GPSM2: variants seen among roughly 807,000 people sequenced by gnomAD.
The protein encoded by GPSM2 is G protein-signaling modulator 2.
GPSM2 carries 58 observed loss-of-function variants against 78.4 expected under a neutral mutation model. That is an observed-to-expected ratio of 0.74 (90% CI 0.60 to 0.92). The LOEUF (loss-of-function observed/expected upper bound fraction) is 0.92. GPSM2 is among the 40% of genes least tolerant of loss of function. The pLI, the probability that GPSM2 is intolerant of heterozygous loss-of-function variation, is 0.00. For synonymous variants in GPSM2, 224 were observed against 280.2 expected, an observed-to-expected ratio of 0.80 and a Z score of 2.00; for missense variants, 700 against 815.5, an observed-to-expected ratio of 0.86 and a Z score of 1.73.
At chr1:108,904,826 T>C (rs1434866419) in intron 10 of GPSM2, among the ~76,000 whole-genome samples, 1 of 152,104 alleles carries the variant, frequency 6.6e-6, no homozygotes, top group Non-Finnish European at 1.5e-5. Flanking sequence ...GACATTTCTA[T>C]AGCGAGGAAA....
intron 14 of GPSM2, chr1:108,926,348 A>ATT (rs1324976425): frequency 1.1e-4 from 17 of 152,226 alleles, no homozygotes; most frequent in African/African-American, 4.1e-4. Context: ...TGGACTTAAG[A>ATT]ATCTAGGCTG....
At chr1:108,926,161 C>G (rs977405797) in intron 14 of GPSM2, 1 of 152,128 alleles carries the variant, frequency 6.6e-6, no homozygotes, top group African/African-American at 2.4e-5. Context: ...GTGCTAAGAA[C>G]CCACCTGAGG....
chr1:108,882,283 G>A (rs1570868706), intron 1 of GPSM2, among the ~76,000 whole-genome samples: 1 of 152,166 alleles, frequency 6.6e-6, no homozygotes. Flanking sequence ...ATCAGTATCT[G>A]TGGGGAATTG....
chr1:108,911,798 AATTT>A (rs1362963141), intron 10 of GPSM2, among the ~76,000 whole-genome samples: 1 of 81,796 alleles, frequency 1.2e-5, no homozygotes, highest in African/African-American at 6.0e-5. Flanking sequence ...GTGGGAAGAC[AATTT>A]TTTTTTTTTT....
chr1:108,885,732 C>T (rs537721173), intron 2 of GPSM2, among the ~76,000 whole-genome samples, 154 bp downstream of exon 2: 63 of 152,146 alleles, frequency 4.1e-4, no homozygotes, highest in South Asian at 4.0e-3. Flanking sequence ...GTAAGTTTTC[C>T]TTTCTGTAAG....
intron 10 of GPSM2, among the ~76,000 whole-genome samples, chr1:108,907,678 C>G (rs1351303166): frequency 6.6e-6 from 1 of 152,094 alleles, no homozygotes; most frequent in Non-Finnish European, 1.5e-5. Flanking sequence ...TTATGATATG[C>G]CAGGCACTGA....
Position 108,929,773 on chromosome 1 carries a change from G to A in GPSM2, c.1888G>A (p.Asp630Asn). 1 of 1,613,834 alleles carries A rather than the reference G, an allele frequency of 6.2e-7. No individual in the cohort carries two copies. Among genetic ancestry groups the A allele is most frequent in the South Asian group, 1.1e-5 (1 of 91,078 alleles). ...TTKGPTVPDE[D>N]FFSLILRSQG... ...AAAGGGTCCGACAGTACCAGATGAA[G>A]ACTTTTTCAGCCTTATTTTACGGTC... The change falls in exon 15 of 15, where the codon GAC becomes AAC. Residue 630 changes from aspartate (D) to asparagine (N), a missense_variant. Asp to Asn is a conservative substitution (Grantham distance 23). Coordinates refer to ENST00000264126, the MANE Select transcript of GPSM2 (RefSeq NM_013296.5).
chr1:108,934,325 G>T lies in GPSM2; in HGVS notation c.*4385G>T, dbSNP rs1652519045. On this transcript the variant is annotated 3_prime_UTR_variant, in exon 15 of 15. Coordinates refer to ENST00000264126, the MANE Select transcript of GPSM2 (RefSeq NM_013296.5). ...TAAATTGGTTAGTGGGTTCCCGTAA[G>T]TGCCTGTAACAATAAAATTTCTTTT... The T allele has an allele frequency of 4.3e-6, 1 of 231,138 alleles. No homozygotes were observed. The highest frequency in any genetic ancestry group is 2.3e-5 in the African/African-American group (1 of 44,434). The allele number at this position is 231,138 out of a possible 1,614,324, so 14.3% of individuals were successfully genotyped here.
chr1:108,921,166 C>T (rs1650681083), intron 12 of GPSM2, among the ~76,000 whole-genome samples: 1 of 152,054 alleles, frequency 6.6e-6, no homozygotes. Flanking sequence ...ATATCTGCTA[C>T]CCCAGCACAT....
At chr1:108,891,752 C>T (rs1011936184) in intron 2 of GPSM2, among the ~76,000 whole-genome samples, 2 of 151,504 alleles carry the variant, frequency 1.3e-5, no homozygotes, top group Non-Finnish European at 2.9e-5. Flanking sequence ...CGATCCACCC[C>T]CCCTTAGCCT....
chr1:108,908,605 G>C (rs568449109), intron 10 of GPSM2, among the ~76,000 whole-genome samples: 1 of 152,042 alleles, frequency 6.6e-6, no homozygotes, highest in Non-Finnish European at 1.5e-5. Context: ...AACCTGGGGG[G>C]CGGAGCTTGC....
In GPSM2 at chr1:108,934,264, G is replaced by C. The variant is rs1382271750; in HGVS notation, c.*4324G>C. The C allele has an allele frequency of 5.8e-6, 1 of 173,794 alleles. No homozygotes were observed. The highest frequency in any genetic ancestry group is 1.2e-5 in the Non-Finnish European group (1 of 80,826). The allele number at this position is 173,794 out of a possible 1,614,324, so 10.8% of individuals were successfully genotyped here. ...CATGAAGATGCTGGAGGCATCAAGT[G>C]GGTGGCCTTAACTCTAGTGGATTCA... On this transcript the variant is annotated 3_prime_UTR_variant, in exon 15 of 15. Coordinates refer to ENST00000264126, the MANE Select transcript of GPSM2 (RefSeq NM_013296.5).
intron 14 of GPSM2, among the ~76,000 whole-genome samples, chr1:108,929,169 A>G (rs888767913): frequency 6.6e-6 from 1 of 152,150 alleles, no homozygotes; most frequent in Non-Finnish European, 1.5e-5. Flanking sequence ...AGCCATATAG[A>G]TAGTATATAA....
intron 10 of GPSM2, among the ~76,000 whole-genome samples, chr1:108,909,003 G>A (rs991621218): frequency 1.3e-5 from 2 of 151,996 alleles, no homozygotes; most frequent in Non-Finnish European, 2.9e-5. Context: ...GCCATGCATG[G>A]TAGCATGAGC....
At chr1:108,883,894 G>C (rs1012692243) in intron 1 of GPSM2, among the ~76,000 whole-genome samples, 1 of 151,846 alleles carries the variant, frequency 6.6e-6, no homozygotes, top group Non-Finnish European at 1.5e-5. Flanking sequence ...GTACATTGAG[G>C]GTTTGTTGTT....
At chr1:108,924,240 TGCATAC>T (rs767214224) in intron 14 of GPSM2, 26 bp downstream of exon 14, 1 of 1,375,884 alleles carries the variant, frequency 7.3e-7, no homozygotes, top group African/African-American at 1.4e-5. Flanking sequence ...TTTTTCGTTC[TGCATAC>T]AGCTCAGATA....
chr1:108,894,295 T>C (rs1019715381), intron 2 of GPSM2, among the ~76,000 whole-genome samples: 1 of 152,246 alleles, frequency 6.6e-6, no homozygotes, highest in Non-Finnish European at 1.5e-5. Context: ...ATTTAACTGC[T>C]TATCTTACTA....
rs2101595489 is a variant in GPSM2 at position 108,932,533 on chromosome 1, A to T, written c.*2593A>T. 1 of 152,368 alleles carries T rather than the reference A, an allele frequency of 6.6e-6. No individual in the cohort carries two copies. Among genetic ancestry groups the T allele is most frequent in the East Asian group, 1.9e-4 (1 of 5,190 alleles). 9.4% of individuals were successfully genotyped at this position (152,368 alleles called of 1,614,324 possible). On this transcript the variant is annotated 3_prime_UTR_variant, in exon 15 of 15. Coordinates refer to ENST00000264126, the MANE Select transcript of GPSM2 (RefSeq NM_013296.5). ...TGAAAGAATACAAAGGTGAAATTTTATTTAAAAATTTTTTAAAAGAATTTG... is the reference window on the plus strand; with the variant it reads ...TGAAAGAATACAAAGGTGAAATTTTTTTTAAAAATTTTTTAAAAGAATTTG...
intron 10 of GPSM2, among the ~76,000 whole-genome samples, chr1:108,905,295 G>A (rs1649130217): frequency 6.6e-6 from 1 of 152,178 alleles, no homozygotes; most frequent in Non-Finnish European, 1.5e-5. Context: ...TCTAGCTGTA[G>A]ACCTGTTCCT....
Sources: allele counts gnomAD v4.1 joint callset (sites outside exome capture counted in the v4.1 genomes callset), GRCh38; gene constraint gnomAD v4.1.1; transcripts MANE v1.5; gene names NCBI Gene and HGNC (gene_info 2026-07-23, HGNC 2026-07-21).